CETN3: variants seen among roughly 807,000 people sequenced by gnomAD.
CETN3 encodes the protein centrin-3.
A neutral mutation model predicts 20.1 loss-of-function variants in CETN3; 17 were observed. The observed-to-expected ratio is 0.85, with a 90% CI of 0.58 to 1.27. The LOEUF (loss-of-function observed/expected upper bound fraction) is 1.27. Ranked by LOEUF, CETN3 falls within the 50% of genes most tolerant of loss-of-function variation. The pLI, the probability that CETN3 is intolerant of heterozygous loss-of-function variation, is 0.00. For missense variants in CETN3, 169 were observed against 191.2 expected (o/e 0.88, Z 0.69); for synonymous variants, 52 against 59.7 (o/e 0.87, Z 0.59).
intron 4 of CETN3, among the ~76,000 whole-genome samples, chr5:90,398,208 G>T (rs1749183029): frequency 1.3e-5 from 2 of 151,864 alleles, no homozygotes; most frequent in Admixed American, 1.3e-4. Flanking sequence ...CTTAGATACT[G>T]AAAAGCATGA....
chr5:90,400,936 G>C (rs964130748), intron 3 of CETN3, among the ~76,000 whole-genome samples: 2 of 151,952 alleles, frequency 1.3e-5, no homozygotes, highest in Non-Finnish European at 2.9e-5. Flanking sequence ...TAACTCTATG[G>C]CACATACTCA....
At chr5:90,402,805 T>C (rs879825833) in intron 3 of CETN3, among the ~76,000 whole-genome samples, 3 of 152,216 alleles carry the variant, frequency 2.0e-5, no homozygotes, top group Non-Finnish European at 4.4e-5. Flanking sequence ...ATTTACCACA[T>C]AGTACTATAG....
chr5:90,399,563 A>C lies in CETN3; in HGVS notation c.269-14T>G. 2 of 1,588,774 alleles carry C rather than the reference A, an allele frequency of 1.3e-6. No individual in the cohort carries two copies. Among genetic ancestry groups the C allele is most frequent in the Non-Finnish European group, 1.7e-6 (2 of 1,159,890 alleles). On this transcript the variant is annotated splice_polypyrimidine_tract_variant and intron_variant, in intron 3 of 4. Coordinates refer to ENST00000283122, the MANE Select transcript of CETN3 (RefSeq NM_004365.4). ...TCCAGTCTGTCACTACAGTTTAAAA[A>C]CATATATATTTTAATAAACCTGCAT...
chr5:90,398,121 ACATCT>A (rs1749180906), intron 4 of CETN3, among the ~76,000 whole-genome samples: 1 of 152,056 alleles, frequency 6.6e-6, no homozygotes, highest in South Asian at 2.1e-4. Context: ...ATCTTGTAGT[ACATCT>A]TATTTACCTT....
chr5:90,409,029 G>T lies in CETN3; in HGVS notation c.17+616C>A, dbSNP rs150829238. Among the ~76,000 whole-genome samples the T allele has an allele frequency of 2.4e-3, 368 of 152,192 alleles. 3 individuals carry two copies. The highest frequency in any genetic ancestry group is 8.2e-3 in the African/African-American group (342 of 41,522). On this transcript the variant is annotated intron_variant, in intron 1 of 4. Coordinates refer to ENST00000283122, the MANE Select transcript of CETN3 (RefSeq NM_004365.4). ...GAACATGGAATATTTTCGGAGTGTCGTAAGTGTATGGATAGTTTTACGGTA... is the reference window on the plus strand; with the variant it reads ...GAACATGGAATATTTTCGGAGTGTCTTAAGTGTATGGATAGTTTTACGGTA...
At chr5:90,395,244 C>A (rs561333028) in intron 4 of CETN3, among the ~76,000 whole-genome samples, 1 of 151,830 alleles carries the variant, frequency 6.6e-6, no homozygotes, top group East Asian at 1.9e-4. Context: ...ATAAGTGTTG[C>A]GTAATATATC....
intron 3 of CETN3, among the ~76,000 whole-genome samples, chr5:90,402,525 T>C (rs116014883): frequency 1.6e-3 from 244 of 152,348 alleles, no homozygotes; most frequent in African/African-American, 5.6e-3. Flanking sequence ...AATCTTGGAA[T>C]GAAATCTTAC....
chr5:90,409,613 G>A, intron 1 of CETN3, 32 bp downstream of exon 1: 3 of 1,613,546 alleles, frequency 1.9e-6, no homozygotes, highest in Non-Finnish European at 2.5e-6. Context: ...GCTCCGGGGT[G>A]TGGAGAGCAC....
rs756905066 is a variant in CETN3, at chr5:90,407,816, G to C, written c.36C>G (p.Asp12Glu). 1 of 1,583,394 alleles carries C rather than the reference G, an allele frequency of 6.3e-7. No homozygotes were observed. Reference protein sequence around the residue: ...SLALRSELVVDKTKRKKRREL... With the variant: ...SLALRSELVVEKTKRKKRREL... The stretch of plus-strand genomic sequence containing the variant: ...CTCTTCTTTTTTTCCTCTTTGTTTT[G>C]TCCACTACAAGCTCACTTCTATGAA... The change falls in exon 2 of 5, where the codon GAC becomes GAG. Residue 12 changes from aspartate to glutamate, a missense_variant. Transcript: ENST00000283122.
Position 90,399,796 on chromosome 5 carries a change from A to G in CETN3, c.269-247T>C, listed in dbSNP as rs760076439. Among the ~76,000 whole-genome samples, 4 of 152,226 alleles carry G rather than the reference A, an allele frequency of 2.6e-5. No homozygotes were observed. The South Asian group carries it at 6.2e-4, about 24-fold the overall frequency. ...TCTTATTATAAAAGTAAGCAAAACT[A>G]TATCACACAGAGGCAAAATAAAAAG... On this transcript the variant is annotated intron_variant, in intron 3 of 4. Transcript: ENST00000283122.
At chr5:90,394,149 T>A (rs779017174) in intron 4 of CETN3, 42 bp from the exon 5 acceptor site, 1 of 1,365,220 alleles carries the variant, frequency 7.3e-7, no homozygotes, top group East Asian at 2.4e-5. Flanking sequence ...AATATAAACA[T>A]TTTATTTTTT....
At chr5:90,402,172 A>T (rs1276506987) in intron 3 of CETN3, among the ~76,000 whole-genome samples, 2 of 151,926 alleles carry the variant, frequency 1.3e-5, no homozygotes, top group Non-Finnish European at 2.9e-5. Flanking sequence ...TCTTAAATGT[A>T]TTTTCTTTTC....
At position 90,409,740 on chromosome 5, in the gene CETN3, C is replaced by G; in HGVS notation, c.-79G>C. 6.4e-7 allele frequency: 1 copy of G among 1,561,966 alleles called. No homozygotes were observed. The highest frequency in any genetic ancestry group is 8.8e-7 in the Non-Finnish European group (1 of 1,133,152). Reference sequence around the variant, plus strand: ...AGGCAGCAAGACGCCCACAGCCGTTCAACAGACACGAACGACCTCAGCGGC... The same window carrying G: ...AGGCAGCAAGACGCCCACAGCCGTTGAACAGACACGAACGACCTCAGCGGC... On this transcript the variant is annotated 5_prime_UTR_variant, in exon 1 of 5. Transcript: ENST00000283122.
chr5:90,408,710 C>A (rs988376254), intron 1 of CETN3, among the ~76,000 whole-genome samples: 1 of 151,298 alleles, frequency 6.6e-6, no homozygotes, highest in African/African-American at 2.4e-5. Context: ...GAAACACAAT[C>A]CGGTAACACA....
At chr5:90,408,218 T>TA (rs1226014940) in intron 1 of CETN3, among the ~76,000 whole-genome samples, 10 of 151,940 alleles carry the variant, frequency 6.6e-5, no homozygotes, top group African/African-American at 2.2e-4. Flanking sequence ...GTTAAAGAAT[T>TA]TAAAAAAAAT....
chr5:90,409,564 C>T, intron 1 of CETN3, 81 bp downstream of exon 1: 2 of 1,557,846 alleles, frequency 1.3e-6, no homozygotes, highest in Non-Finnish European at 1.8e-6. Context: ...GCCTCGGCCC[C>T]AAACGTCCTC....
chr5:90,396,614 A>T, intron 4 of CETN3: 1 of 1,362,180 alleles, frequency 7.3e-7, no homozygotes, highest in Non-Finnish European at 1.0e-6. Context: ...TTTGATTACA[A>T]ATCATTTTAA....
chr5:90,405,030 T>G (rs1027475416), intron 3 of CETN3, among the ~76,000 whole-genome samples: 3 of 152,140 alleles, frequency 2.0e-5, no homozygotes, highest in Non-Finnish European at 4.4e-5. Context: ...AAATCAACTA[T>G]AAAAAAATTT....
intron 1 of CETN3, 105 bp downstream of exon 1, chr5:90,409,540 A>G: frequency 1.4e-6 from 2 of 1,384,860 alleles, no homozygotes; most frequent in Non-Finnish European, 1.0e-6. Context: ...GTCCCAAACT[A>G]CATCCCCTGC....
Sources: gnomAD v4.1 joint callset for allele counts (sites outside exome capture counted in the v4.1 genomes callset) on GRCh38, gnomAD v4.1.1 for gene constraint, MANE v1.5 for transcripts, NCBI Gene and HGNC (gene_info 2026-07-23, HGNC 2026-07-21) for gene names.